LRRIQ1: variants seen among roughly 807,000 people sequenced by gnomAD.
LRRIQ1 encodes leucine-rich repeat- and IQ domain-containing protein 1.
LRRIQ1 carries 210 observed loss-of-function variants against 211.9 expected under a neutral mutation model. That is an observed-to-expected ratio of 0.99 (90% confidence interval 0.89 to 1.11). LRRIQ1 has a LOEUF of 1.11. Ranked by LOEUF, LRRIQ1 falls within the 50% of genes most tolerant of loss-of-function variation. The pLI is 0.00. For synonymous variants in LRRIQ1, 699 were observed against 650.1 expected (o/e 1.08, Z -1.14); for missense variants, 2,136 against 1,939.5 (o/e 1.10, Z -1.90).
intron 26 of LRRIQ1, among the ~76,000 whole-genome samples, chr12:85,233,633 AAGG>A (rs1393058702): frequency 6.6e-6 from 1 of 152,204 alleles, no homozygotes; most frequent in African/African-American, 2.4e-5. Context: ...CAACTCATGC[AAGG>A]AGTTCTCCTG....
intron 19 of LRRIQ1, among the ~76,000 whole-genome samples, chr12:85,148,224 G>C (rs1890019504): frequency 6.6e-6 from 1 of 151,556 alleles, no homozygotes; most frequent in Non-Finnish European, 1.5e-5. Context: ...AGAACATGCA[G>C]ATTTGTTACA....
intron 13 of LRRIQ1, among the ~76,000 whole-genome samples, chr12:85,101,580 A>G (rs1351404937): frequency 1.3e-5 from 2 of 151,774 alleles, no homozygotes; most frequent in Admixed American, 1.3e-4. Context: ...TCTGGTTTGA[A>G]TTTTCTTGGA....
At position 85,150,844 on chromosome 12, in the gene LRRIQ1, A is replaced by G. The variant is rs11116730; in HGVS notation, c.4330-1436A>G. ...TGAAATTTGAATTTTTAATTGACAAATAAAAATTGTATATGTTTATTGTGT... is the reference window on the plus strand; with the variant it reads ...TGAAATTTGAATTTTTAATTGACAAGTAAAAATTGTATATGTTTATTGTGT... On this transcript the variant is annotated intron_variant, in intron 19 of 26. Coordinates refer to ENST00000393217, the MANE Select transcript of LRRIQ1 (RefSeq NM_001079910.2). 5.8e-4 allele frequency among the ~76,000 whole-genome samples: 88 copies of G among 151,826 alleles called. No individual in the cohort carries two copies. In the East Asian group the frequency reaches 0.015, roughly 26 times the overall value.
At chr12:85,161,688 G>A (rs1890885061) in intron 24 of LRRIQ1, among the ~76,000 whole-genome samples, 1 of 152,112 alleles carries the variant, frequency 6.6e-6, no homozygotes, top group African/African-American at 2.4e-5. Context: ...CACCATCCTA[G>A]AAATGCCTAC....
chr12:85,064,296 A>G (rs1565800882), intron 8 of LRRIQ1, among the ~76,000 whole-genome samples: 1 of 151,876 alleles, frequency 6.6e-6, no homozygotes, highest in South Asian at 2.1e-4. Flanking sequence ...ATCTTTTCAG[A>G]TGACTGTTTG....
intron 17 of LRRIQ1, 25 bp from the exon 18 acceptor site, chr12:85,127,807 G>T: frequency 6.3e-7 from 1 of 1,589,178 alleles, no homozygotes; most frequent in Non-Finnish European, 8.6e-7. Flanking sequence ...AAAAAAGTGT[G>T]TGTTTTTTTT....
intron 1 of LRRIQ1, among the ~76,000 whole-genome samples, chr12:85,037,727 A>G (rs1878326028): frequency 6.6e-6 from 1 of 152,096 alleles, no homozygotes; most frequent in Non-Finnish European, 1.5e-5. Flanking sequence ...TGAAAAATAA[A>G]ATGATAGCTG....
At chr12:85,076,823 TGTTA>T (rs1412153263) in intron 11 of LRRIQ1, among the ~76,000 whole-genome samples, 1 of 151,896 alleles carries the variant, frequency 6.6e-6, no homozygotes, top group Non-Finnish European at 1.5e-5. Context: ...CTAGCTTACT[TGTTA>T]GTTTTGAAGG....
In LRRIQ1 at chr12:85,127,847, A is replaced by G. The variant is rs1227509222; in HGVS notation, c.4023A>G (p.Val1341=). Residue 1341 remains valine (V), a synonymous_variant, in exon 18 of 27, where the codon GTA becomes GTG. Transcript: ENST00000393217. ...CTCTTAATAGTATGGCAGCTGTGGT[A>G]ATCCAGTCATACTGGCGTGGTTACC... ...EPSEKIMAAV[V]IQSYWRGYLM... is the part of the protein sequence containing the mutation. 6.2e-7 allele frequency: 1 copy of G among 1,613,930 alleles called. No homozygotes were observed. The highest frequency in any genetic ancestry group is 1.1e-5 in the South Asian group (1 of 91,074).
intron 1 of LRRIQ1, among the ~76,000 whole-genome samples, chr12:85,251,970 T>G (rs2137304676): frequency 6.6e-6 from 1 of 152,074 alleles, no homozygotes; most frequent in Non-Finnish European, 1.5e-5. Flanking sequence ...GCCAGAATAC[T>G]TTGCAATGAT....
intron 11 of LRRIQ1, among the ~76,000 whole-genome samples, chr12:85,084,054 T>C (rs1290090074): frequency 2.6e-5 from 4 of 152,224 alleles, no homozygotes; most frequent in African/African-American, 9.6e-5. Flanking sequence ...CAGTCTCTTA[T>C]GAGTTTTATA....
chr12:85,223,502 A>T (rs1894500885), intron 24 of LRRIQ1, among the ~76,000 whole-genome samples: 1 of 152,176 alleles, frequency 6.6e-6, no homozygotes, highest in African/African-American at 2.4e-5. Context: ...TCTTGTAGTG[A>T]TATTATTTGT....
intron 24 of LRRIQ1, among the ~76,000 whole-genome samples, chr12:85,221,033 A>G (rs1186803860): frequency 6.6e-6 from 1 of 151,842 alleles, no homozygotes; most frequent in Admixed American, 6.6e-5. Flanking sequence ...GCTGGTCTCG[A>G]ACTACTGACC....
At chr12:85,113,570 A>G (rs1038679213) in intron 15 of LRRIQ1, among the ~76,000 whole-genome samples, 12 of 152,172 alleles carry the variant, frequency 7.9e-5, no homozygotes, top group African/African-American at 2.4e-4. Context: ...CAAATACATT[A>G]CAGTATTTAA....
At chr12:85,088,805 T>C (rs2136215772) in intron 11 of LRRIQ1, among the ~76,000 whole-genome samples, 1 of 152,380 alleles carries the variant, frequency 6.6e-6, no homozygotes, top group East Asian at 1.9e-4. Context: ...CCTGAGACTT[T>C]GCTGAAGTTG....
chr12:85,213,863 T>C (rs1893954603), intron 24 of LRRIQ1, among the ~76,000 whole-genome samples: 1 of 151,868 alleles, frequency 6.6e-6, no homozygotes, highest in African/African-American at 2.4e-5. Context: ...TCGAAAAGAC[T>C]AGTAAATGTG....
intron 24 of LRRIQ1, among the ~76,000 whole-genome samples, chr12:85,194,587 A>G (rs1456452268): frequency 4.7e-4 from 72 of 151,624 alleles, no homozygotes; most frequent in Admixed American, 2.4e-3. Context: ...GGTACATAAC[A>G]AAATGAAGGC....
chr12:85,106,285 C>G (rs189200707), intron 14 of LRRIQ1, among the ~76,000 whole-genome samples: 1 of 152,054 alleles, frequency 6.6e-6, no homozygotes, highest in Non-Finnish European at 1.5e-5. Flanking sequence ...GATATGAACC[C>G]GAATTGTAAA....
chr12:85,118,880 C>G (rs1243815680), intron 15 of LRRIQ1, among the ~76,000 whole-genome samples: 2 of 151,850 alleles, frequency 1.3e-5, no homozygotes, highest in East Asian at 3.9e-4. Flanking sequence ...TTAGAGTAGT[C>G]ATAGGTTAAC....
Sources: gnomAD v4.1 joint callset for allele counts (sites outside exome capture counted in the v4.1 genomes callset) on GRCh38, gnomAD v4.1.1 for gene constraint, MANE v1.5 for transcripts, NCBI Gene and HGNC (gene_info 2026-07-23, HGNC 2026-07-21) for gene names.